The following EXOC4 variants were observed in gnomAD, a reference collection of about 807,000 sequenced individuals.
EXOC4 encodes the protein exocyst complex component 4, also known as SEC8-like 1.
In EXOC4, 71 loss-of-function variants were observed where a neutral mutation model predicts 107.2. That is an observed-to-expected ratio of 0.66 (90% confidence interval 0.55 to 0.81). The LOEUF is 0.81. Among genes scored for constraint, EXOC4 ranks in the 30% least tolerant of loss-of-function variants. The pLI is 0.00. For synonymous variants in EXOC4, 456 were observed against 441.2 expected (o/e 1.03, Z -0.42); for missense variants, 1,108 against 1,189.6 (o/e 0.93, Z 1.01).
chr7:133,743,248 T>C (rs530676255), intron 10 of EXOC4, among the ~76,000 whole-genome samples: 6 of 152,312 alleles, frequency 3.9e-5, no homozygotes, highest in Non-Finnish European at 7.4e-5. Flanking sequence ...ATAATTACTT[T>C]AGCTTCCTCT....
the EXOC4 span, among the ~76,000 whole-genome samples, chr7:134,089,691 A>G: frequency 1.3e-5 from 2 of 152,220 alleles, no homozygotes; most frequent in African/African-American, 2.4e-5. Context: ...ACTATCTACG[A>G]CATACTTTGA....
chr7:133,283,565 A>G (rs954738394), intron 2 of EXOC4, among the ~76,000 whole-genome samples: 7 of 152,058 alleles, frequency 4.6e-5, no homozygotes, highest in South Asian at 2.1e-4. Context: ...TGGTAGTTCT[A>G]TTTTTTAATT....
intron 11 of EXOC4, among the ~76,000 whole-genome samples, chr7:133,827,758 GT>G (rs1365608403): frequency 6.6e-6 from 1 of 152,176 alleles, no homozygotes; most frequent in African/African-American, 2.4e-5. Flanking sequence ...TACGAGGTCA[GT>G]TTAAAAAGAA....
intron 11 of EXOC4, among the ~76,000 whole-genome samples, chr7:133,889,296 A>G (rs2116488450): frequency 6.6e-6 from 1 of 152,084 alleles, no homozygotes; most frequent in Middle Eastern, 3.4e-3. Context: ...TTCCAGAGAA[A>G]AAACTTGCTC....
chr7:134,060,398 A>G (rs566189513), intron 17 of EXOC4, among the ~76,000 whole-genome samples: 1 of 152,336 alleles, frequency 6.6e-6, no homozygotes, highest in Admixed American at 6.5e-5. Flanking sequence ...GAGTCTGTGA[A>G]GGGCTACAAA....
intron 6 of EXOC4, among the ~76,000 whole-genome samples, chr7:133,360,134 A>T (rs923539842): frequency 6.6e-6 from 1 of 152,224 alleles, no homozygotes; most frequent in African/African-American, 2.4e-5. Flanking sequence ...AAGCCTCTGC[A>T]TTTCAGAATC....
At chr7:133,253,685 C>G (rs1165111261) in intron 1 of EXOC4, 2 of 204,026 alleles carry the variant, frequency 9.8e-6, no homozygotes, top group African/African-American at 4.8e-5. Context: ...GCCACAAATA[C>G]AAGAATCTGC....
chr7:133,997,469 G>T, intron 14 of EXOC4, 23 bp from the exon 15 acceptor site: 1 of 1,611,434 alleles, frequency 6.2e-7, no homozygotes, highest in Non-Finnish European at 8.5e-7. Context: ...TGAAATGATT[G>T]GTGTTTTATC....
intron 15 of EXOC4, among the ~76,000 whole-genome samples, chr7:134,003,418 C>G (rs527582790): frequency 1.6e-3 from 239 of 152,204 alleles, no homozygotes; most frequent in African/African-American, 5.6e-3. Context: ...GAACTGTACA[C>G]TAAAAGGGGG....
At chr7:133,741,785 A>G (rs35030863) in intron 10 of EXOC4, among the ~76,000 whole-genome samples, 10 of 152,194 alleles carry the variant, frequency 6.6e-5, no homozygotes, top group Non-Finnish European at 1.5e-4. Context: ...ATGGATGAGT[A>G]TCTATGACTT....
chr7:133,668,181 C>G (rs1793860416), intron 10 of EXOC4, among the ~76,000 whole-genome samples: 2 of 152,076 alleles, frequency 1.3e-5, no homozygotes, highest in Non-Finnish European at 2.9e-5. Flanking sequence ...TGAATATAGG[C>G]AAGGAATTAA....
In EXOC4 at chr7:134,064,651, G is replaced by A. The variant is rs547234985; in HGVS notation, c.*123G>A. 1.8e-4 allele frequency: 115 copies of A among 629,830 alleles called. 1 individual carries two copies. In the South Asian group the frequency reaches 2.4e-3, roughly 13 times the overall value. 39.0% of individuals were successfully genotyped at this position (629,830 alleles called of 1,614,324 possible). ...AGTGATACTTTAGTGGAGAGGAGGTGTAAGGATTCTTTCTCTCTGGTTTTG... is the reference window on the plus strand; with the variant it reads ...AGTGATACTTTAGTGGAGAGGAGGTATAAGGATTCTTTCTCTCTGGTTTTG... On this transcript the variant is annotated 3_prime_UTR_variant, in exon 18 of 18. Coordinates refer to ENST00000253861, the MANE Select transcript of EXOC4 (RefSeq NM_021807.4).
chr7:133,565,043 GT>G (rs1800880046), intron 9 of EXOC4, among the ~76,000 whole-genome samples: 1 of 152,154 alleles, frequency 6.6e-6, no homozygotes, highest in African/African-American at 2.4e-5. Context: ...GGGATGTCGA[GT>G]TTTAGTTAGA....
At chr7:133,880,089 T>C (rs1303912985) in intron 11 of EXOC4, among the ~76,000 whole-genome samples, 1 of 152,162 alleles carries the variant, frequency 6.6e-6, no homozygotes, top group African/African-American at 2.4e-5. Context: ...CCTCTGCCTC[T>C]CTAAGTATCC....
chr7:134,035,274 A>T (rs1795363738), intron 17 of EXOC4, among the ~76,000 whole-genome samples: 2 of 151,784 alleles, frequency 1.3e-5, no homozygotes, highest in Non-Finnish European at 2.9e-5. Context: ...TGAACTCCTG[A>T]CCTCAGGTGA....
chr7:133,933,005 A>G (rs1039608930), intron 13 of EXOC4, among the ~76,000 whole-genome samples: 1 of 152,058 alleles, frequency 6.6e-6, no homozygotes, highest in Non-Finnish European at 1.5e-5. Flanking sequence ...ACCTTTTGTA[A>G]TGTTTCGTTC....
chr7:133,951,805 T>A (rs1800697473), intron 14 of EXOC4, among the ~76,000 whole-genome samples: 1 of 152,190 alleles, frequency 6.6e-6, no homozygotes, highest in Non-Finnish European at 1.5e-5. Flanking sequence ...CCTCCAGATC[T>A]CATTAAATGA....
chr7:133,657,526 G>A (rs1803328328), intron 10 of EXOC4, among the ~76,000 whole-genome samples: 1 of 152,126 alleles, frequency 6.6e-6, no homozygotes, highest in Non-Finnish European at 1.5e-5. Flanking sequence ...TTTGTAAGTG[G>A]TGTGCGTGCT....
At chr7:133,756,252 T>C (rs2151145113) in intron 10 of EXOC4, among the ~76,000 whole-genome samples, 1 of 152,300 alleles carries the variant, frequency 6.6e-6, no homozygotes. Flanking sequence ...AACTGCTTTT[T>C]TTCCCCTAAG....
Sources: gnomAD v4.1 joint callset for allele counts (sites outside exome capture counted in the v4.1 genomes callset) on GRCh38, gnomAD v4.1.1 for gene constraint, MANE v1.5 for transcripts, NCBI Gene and HGNC (gene_info 2026-07-23, HGNC 2026-07-21) for gene names.